TFEB: variants seen among roughly 807,000 people sequenced by gnomAD.
The protein encoded by TFEB is transcription factor EB.
Under a neutral mutation model 48.0 loss-of-function variants are expected in TFEB, and 12 were observed. The observed-to-expected ratio is 0.25, with a 90% CI of 0.16 to 0.40. The LOEUF is 0.40. TFEB is among the 10% of genes least tolerant of loss of function. TFEB has a pLI of 1.00. For missense variants in TFEB, 509 were observed against 640.3 expected (o/e 0.79, Z 2.21); for synonymous variants, 244 against 261.4 (o/e 0.93, Z 0.64).
Position 41,715,658 on chromosome 6 carries a change from A to G in TFEB, c.-23+19692T>C, listed in dbSNP as rs1417064898. On this transcript the variant is annotated intron_variant, in intron 1 of 8. Coordinates refer to ENST00000373033, the MANE Select transcript of TFEB (RefSeq NM_001271944.2). ...GCACTCCAGCCTGGGCGACAGAGCGAGAATCTGTCTCAATTAAGAAAAAAA... is the reference window on the plus strand; with the variant it reads ...GCACTCCAGCCTGGGCGACAGAGCGGGAATCTGTCTCAATTAAGAAAAAAA... Among the ~76,000 whole-genome samples, 4 of 150,936 alleles carry G rather than the reference A, an allele frequency of 2.7e-5. No homozygotes were observed. The East Asian group carries it at 7.8e-4, about 29-fold the overall frequency.
At chr6:41,736,209 C>T, upstream of TFEB, 1 of 1,612,730 alleles carries the variant, frequency 6.2e-7, no homozygotes, top group Non-Finnish European at 8.5e-7. Flanking sequence ...TGTCACCTTC[C>T]CTTGTTGGAA....
At chr6:41,725,594 C>T (rs142800538) in intron 1 of TFEB, among the ~76,000 whole-genome samples, 5 of 152,358 alleles carry the variant, frequency 3.3e-5, no homozygotes, top group Middle Eastern at 3.4e-3. Context: ...TGCCAACCCC[C>T]TTCCTGGCAT....
chr6:41,729,170 C>A (rs1196920847), intron 1 of TFEB, among the ~76,000 whole-genome samples: 7 of 152,012 alleles, frequency 4.6e-5, no homozygotes, highest in Non-Finnish European at 8.8e-5. Context: ...TTCACCCCAA[C>A]TCCCTCCAGT....
intron 1 of TFEB, among the ~76,000 whole-genome samples, chr6:41,719,660 T>C (rs1347463562): frequency 6.6e-6 from 1 of 152,228 alleles, no homozygotes; most frequent in Non-Finnish European, 1.5e-5. Flanking sequence ...CCTTATTGTG[T>C]ACTATGTACT....
Position 41,686,185 on chromosome 6 carries a change from G to A in TFEB, c.856C>T (p.Arg286Trp). ...TILKASVDYIRRMQKDLQKSR... is the reference protein window; with the variant it reads ...TILKASVDYIWRMQKDLQKSR... ...TTTTGCAGGTCCTTCTGCATCCTCC[G>A]GATGTAATCCACAGAGGCCTTGAGG... Residue 286 changes from arginine to tryptophan, a missense_variant, in exon 8 of 9, where the codon CGG becomes TGG. Physicochemically the swap from Arg to Trp is moderately radical, Grantham distance 101. Coordinates refer to ENST00000373033, the MANE Select transcript of TFEB (RefSeq NM_001271944.2). 1.2e-6 allele frequency: 2 copies of A among 1,614,230 alleles called. No individual in the cohort carries two copies. Among genetic ancestry groups the A allele is most frequent in the Non-Finnish European group, 8.5e-7 (1 of 1,180,038 alleles).
chr6:41,684,944 C>T lies in TFEB; in HGVS notation c.1086G>A (p.Leu362=). ...SEEGPGEALM[L]GAEVPDPEPL... is the part of the protein sequence containing the mutation. ...GCTCAGGGTCAGGGACCTCAGCCCC[C>T]AGCATCAGGGCCTCCCCTGGGCCCT... is the stretch of plus-strand genomic sequence containing the variant. Residue 362 remains leucine (L), a synonymous_variant, in exon 9 of 9, where the codon CTG becomes CTA. Transcript: ENST00000373033. 6.3e-7 allele frequency: 1 copy of T among 1,586,390 alleles called. No homozygotes were observed. Among genetic ancestry groups the T allele is most frequent in the Non-Finnish European group, 8.6e-7 (1 of 1,166,480 alleles).
At position 41,684,881 on chromosome 6, in the gene TFEB, C is replaced by T; in HGVS notation, c.1149G>A (p.Leu383=). 3 of 1,569,772 alleles carry T rather than the reference C, an allele frequency of 1.9e-6. No homozygotes were observed. Among genetic ancestry groups the T allele is most frequent in the Non-Finnish European group, 2.6e-6 (3 of 1,156,440 alleles). Residue 383 remains leucine, a synonymous_variant, in exon 9 of 9, where the codon CTG becomes CTA. Transcript: ENST00000373033. ...PALPPQAPLP[L]PTQPPSPFHH... ...GGAATGGGGATGGTGGCTGGGTGGGCAGGGGCAGCGGGGCTTGCGGGGGCA... is the reference window on the plus strand; with the variant it reads ...GGAATGGGGATGGTGGCTGGGTGGGTAGGGGCAGCGGGGCTTGCGGGGGCA...
At chr6:41,718,724 TA>T (rs1475328783) in intron 1 of TFEB, among the ~76,000 whole-genome samples, 2 of 151,604 alleles carry the variant, frequency 1.3e-5, no homozygotes, top group Admixed American at 6.6e-5. Flanking sequence ...GCTTGACCTC[TA>T]AACCTTTCCA....
chr6:41,689,954 A>T (rs1769211026), intron 3 of TFEB, 143 bp from the exon 4 acceptor site: 2 of 630,872 alleles, frequency 3.2e-6, no homozygotes, highest in East Asian at 5.6e-5. Context: ...AAATAGGCCC[A>T]GAGAAGAGAT....
In TFEB at chr6:41,726,001, T is replaced by TG. The variant is rs1233843494; in HGVS notation, c.-23+9348dup. On this transcript the variant is annotated intron_variant, in intron 1 of 8. Coordinates refer to ENST00000373033, the MANE Select transcript of TFEB (RefSeq NM_001271944.2). The stretch of plus-strand genomic sequence containing the variant: ...GCTCACGCCTGCAATCCTGGCACTT[T>TG]GGGAGGCCGAGGTAGGAGAATCGCT... 2.6e-5 allele frequency among the ~76,000 whole-genome samples: 4 copies of TG among 152,154 alleles called. No individual in the cohort carries two copies. In the East Asian group the frequency reaches 7.7e-4, roughly 29 times the overall value.
chr6:41,696,486 A>G (rs1769590890), intron 1 of TFEB, among the ~76,000 whole-genome samples: 1 of 152,146 alleles, frequency 6.6e-6, no homozygotes, highest in African/African-American at 2.4e-5. Context: ...TGAGGTCAGG[A>G]GTTCGAAGCC....
chr6:41,701,662 A>G (rs1439422092), intron 1 of TFEB, among the ~76,000 whole-genome samples: 1 of 152,178 alleles, frequency 6.6e-6, no homozygotes, highest in Non-Finnish European at 1.5e-5. Context: ...AAGGTTAAGT[A>G]GGCCAGGCGC....
Position 41,687,158 on chromosome 6 carries a change from G to T in TFEB, c.739C>A (p.Arg247=). The T allele has an allele frequency of 6.2e-7, 1 of 1,614,062 alleles. No individual in the cohort carries two copies. Among genetic ancestry groups the T allele is most frequent in the Non-Finnish European group, 8.5e-7 (1 of 1,180,002 alleles). ...KDNHNLIERR[R]RFNINDRIKE... The stretch of plus-strand genomic sequence containing the variant: ...ATGCGGTCATTGATGTTGAACCTTC[G>T]TCTCCTTTCAACTAAAGGTAACAGA... Residue 247 remains arginine, a synonymous_variant, in exon 7 of 9, where the codon CGA becomes AGA. Coordinates refer to ENST00000373033, the MANE Select transcript of TFEB (RefSeq NM_001271944.2).
chr6:41,721,193 G>T (rs1770963690), intron 1 of TFEB, among the ~76,000 whole-genome samples: 1 of 152,186 alleles, frequency 6.6e-6, no homozygotes, highest in African/African-American at 2.4e-5. Flanking sequence ...TGATTCTCCA[G>T]TCAGACCATG....
At chr6:41,719,953 T>C (rs561608552) in intron 1 of TFEB, among the ~76,000 whole-genome samples, 16 of 152,342 alleles carry the variant, frequency 1.1e-4, no homozygotes, top group African/African-American at 3.6e-4. Flanking sequence ...TAAAAAGACC[T>C]GCATTCGGTT....
At chr6:41,722,876 A>C (rs1055151700) in intron 1 of TFEB, among the ~76,000 whole-genome samples, 1 of 152,184 alleles carries the variant, frequency 6.6e-6, no homozygotes, top group African/African-American at 2.4e-5. Flanking sequence ...TTATGTGAGT[A>C]AAGTCTTTTA....
At chr6:41,697,690 G>A (rs571467241) in intron 1 of TFEB, among the ~76,000 whole-genome samples, 3 of 152,268 alleles carry the variant, frequency 2.0e-5, no homozygotes, top group Non-Finnish European at 2.9e-5. Flanking sequence ...AGGATGTTGT[G>A]CATAAAGATG....
chr6:41,719,029 A>G (rs972416471), intron 1 of TFEB, among the ~76,000 whole-genome samples: 1 of 152,190 alleles, frequency 6.6e-6, no homozygotes, highest in Non-Finnish European at 1.5e-5. Context: ...AGCTTCATCT[A>G]TATTTGCAGC....
Position 41,684,490 on chromosome 6 carries a change from G to C in TFEB, c.*109C>G. On this transcript the variant is annotated 3_prime_UTR_variant, in exon 9 of 9. Coordinates refer to ENST00000373033, the MANE Select transcript of TFEB (RefSeq NM_001271944.2). The stretch of plus-strand genomic sequence containing the variant: ...GGCCAACGGGGAGGAGGGAGGCAGG[G>C]CAGGTGGCTACTTCACACACAGTGC... 7.6e-7 allele frequency: 1 copy of C among 1,323,502 alleles called. No individual in the cohort carries two copies. The highest frequency in any genetic ancestry group is 9.9e-7 in the Non-Finnish European group (1 of 1,013,156). The allele number at this position is 1,323,502 out of a possible 1,614,324, so 82.0% of individuals were successfully genotyped here. A position where few individuals can be genotyped will look rare whatever the true frequency, so the allele number is the denominator to read the frequency against.
Sources: allele counts gnomAD v4.1 joint callset (sites outside exome capture counted in the v4.1 genomes callset), GRCh38; gene constraint gnomAD v4.1.1; transcripts MANE v1.5; gene names NCBI Gene and HGNC (gene_info 2026-07-23, HGNC 2026-07-21).